The following FBLN7 variants were observed in gnomAD, a reference collection of about 807,000 sequenced individuals.
FBLN7 encodes fibulin 7, also known as fibulin-7.
In FBLN7, 31 loss-of-function variants were observed where a neutral mutation model predicts 44.0. The ratio of observed to expected loss-of-function variants is 0.70; its 90% CI spans 0.53 to 0.95. The LOEUF (loss-of-function observed/expected upper bound fraction) is 0.95, where lower values mean the gene tolerates loss of function less well. Ranked by LOEUF, FBLN7 falls within the 40% of genes least tolerant of loss-of-function variation. The pLI is 0.00. For synonymous variants in FBLN7, 262 were observed against 253.4 expected, an observed-to-expected ratio of 1.03 and a Z score of -0.32; for missense variants, 573 against 618.5, an observed-to-expected ratio of 0.93 and a Z score of 0.78.
At chr2:112,160,483 C>T (rs1012316731) in intron 2 of FBLN7, among the ~76,000 whole-genome samples, 3 of 152,208 alleles carry the variant, frequency 2.0e-5, no homozygotes, top group Admixed American at 6.5e-5. Flanking sequence ...TTTTAGATCA[C>T]GCACTGCTTT....
At chr2:112,147,294 T>C (rs1272552590) in intron 1 of FBLN7, among the ~76,000 whole-genome samples, 1 of 152,176 alleles carries the variant, frequency 6.6e-6, no homozygotes, top group Non-Finnish European at 1.5e-5. Flanking sequence ...AAGAAATTGG[T>C]CCATAGCACC....
At position 112,138,399 on chromosome 2, in the gene FBLN7, C is replaced by T. The variant is rs1680449232; in HGVS notation, c.-257C>T. The stretch of plus-strand genomic sequence containing the variant: ...CCTCCCTCGTCCTTAGCCCAGGGGC[C>T]GGCGCCTCCCCGCCTCGCGCGGACT... On this transcript the variant is annotated 5_prime_UTR_variant, in exon 1 of 8. Transcript: ENST00000331203. 1.5e-5 allele frequency: 3 copies of T among 201,450 alleles called. No homozygotes were observed. The highest frequency in any genetic ancestry group is 2.9e-5 in the Non-Finnish European group (3 of 103,794). The allele number at this position is 201,450 out of a possible 1,614,324, so 12.5% of individuals were successfully genotyped here.
Position 112,188,027 on chromosome 2 carries a change from ATGCCTGCC to A in FBLN7, c.*531_*538del, listed in dbSNP as rs1422148483. The stretch of plus-strand genomic sequence containing the variant: ...TCTTATCTGCCTTTTCCTCTGTGAC[ATGCCTGCC>A]TGCCTGCCTTCTCATCAGAGAGTCA... On this transcript the variant is annotated 3_prime_UTR_variant, in exon 8 of 8. Coordinates refer to ENST00000331203, the MANE Select transcript of FBLN7 (RefSeq NM_153214.3). 1 of 160,164 alleles carries A rather than the reference ATGCCTGCC, an allele frequency of 6.2e-6. No individual in the cohort carries two copies. The highest frequency in any genetic ancestry group is 2.4e-5 in the African/African-American group (1 of 41,604). 9.9% of individuals were successfully genotyped at this position (160,164 alleles called of 1,614,324 possible). A position where few individuals can be genotyped will look rare whatever the true frequency, so the allele number is the denominator to read the frequency against.
the FBLN7 span, chr2:112,230,762 A>G: frequency 2.1e-6 from 1 of 481,626 alleles, no homozygotes; most frequent in Non-Finnish European, 3.3e-6. Context: ...GTATGTAAAT[A>G]TATCAAATAT....
At chr2:112,241,997 T>C in the FBLN7 span, among the ~76,000 whole-genome samples, 1 of 152,172 alleles carries the variant, frequency 6.6e-6, no homozygotes, top group African/African-American at 2.4e-5. Flanking sequence ...AAACCTCCTA[T>C]CCACACAGCC....
At chr2:112,166,459 G>C (rs1682162760) in intron 3 of FBLN7, among the ~76,000 whole-genome samples, 2 of 152,164 alleles carry the variant, frequency 1.3e-5, no homozygotes, top group Non-Finnish European at 2.9e-5. Flanking sequence ...AGGGAAACCA[G>C]AATCACATTT....
the FBLN7 span, among the ~76,000 whole-genome samples, chr2:112,210,649 C>G: frequency 2.4e-5 from 2 of 82,052 alleles, no homozygotes. Context: ...GAGTGAGACT[C>G]TGTCTCAAAA....
the FBLN7 span, chr2:112,238,330 T>C: frequency 2.0e-5 from 33 of 1,613,624 alleles, no homozygotes; most frequent in Admixed American, 1.2e-4. Context: ...GGGGTATCTT[T>C]TACTCCTTCT....
At chr2:112,178,269 C>A (rs2312460) in intron 4 of FBLN7, among the ~76,000 whole-genome samples, 98,934 of 143,832 alleles carry the variant, frequency 0.69, 34,463 homozygotes, top group African/African-American at 0.81. Context: ...AAAAAAAAAA[C>A]CAAAAGAAAA....
the FBLN7 span, among the ~76,000 whole-genome samples, chr2:112,202,572 T>C: frequency 3.9e-5 from 6 of 152,086 alleles, no homozygotes; most frequent in Admixed American, 1.3e-4. Context: ...ATGAAAGACA[T>C]AAAAACACTG....
intron 6 of FBLN7, 71 bp downstream of exon 6, chr2:112,182,999 G>A (rs540886073): frequency 3.2e-5 from 51 of 1,572,274 alleles, no homozygotes; most frequent in African/African-American, 2.9e-4. Context: ...GGACCTCACA[G>A]TCGGGAGTGA....
At chr2:112,227,673 C>T in the FBLN7 span, among the ~76,000 whole-genome samples, 1 of 152,206 alleles carries the variant, frequency 6.6e-6, no homozygotes, top group South Asian at 2.1e-4. Flanking sequence ...TCTATTTCTA[C>T]ATACTACCAA....
intron 3 of FBLN7, among the ~76,000 whole-genome samples, chr2:112,167,829 T>C (rs538256454): frequency 4.6e-5 from 6 of 130,304 alleles, no homozygotes; most frequent in Non-Finnish European, 1.0e-4. Context: ...GGCAAAACAG[T>C]AGACAGATGT....
At chr2:112,237,738 G>C in the FBLN7 span, among the ~76,000 whole-genome samples, 1 of 151,920 alleles carries the variant, frequency 6.6e-6, no homozygotes, top group Non-Finnish European at 1.5e-5. Context: ...ACCATACCCT[G>C]ATACTTTTTT....
At chr2:112,144,009 G>C (rs1445957890) in intron 1 of FBLN7, among the ~76,000 whole-genome samples, 1 of 152,136 alleles carries the variant, frequency 6.6e-6, no homozygotes, top group African/African-American at 2.4e-5. Context: ...AGATAACTTT[G>C]TCACAAAATA....
the FBLN7 span, chr2:112,214,623 G>A: frequency 6.6e-6 from 1 of 152,166 alleles, no homozygotes; most frequent in African/African-American, 2.4e-5. Context: ...TGGACGAATG[G>A]CTCTTGAGAC....
At chr2:112,201,455 G>A in the FBLN7 span, among the ~76,000 whole-genome samples, 7 of 152,344 alleles carry the variant, frequency 4.6e-5, no homozygotes, top group South Asian at 2.1e-4. Context: ...CTGCCTTGCC[G>A]TTCCAGCTCC....
rs545069818 is a variant in FBLN7 at position 112,187,607 on chromosome 2, G to A, written c.*101G>A. 5.0e-5 allele frequency: 75 copies of A among 1,509,390 alleles called. No homozygotes were observed. Among genetic ancestry groups the A allele is most frequent in the South Asian group, 1.6e-4 (13 of 79,216 alleles). 93.5% of individuals were successfully genotyped at this position (1,509,390 alleles called of 1,614,324 possible). A position where few individuals can be genotyped will look rare whatever the true frequency, so the allele number is the denominator to read the frequency against. ...TGCGTGGAGCCTCCCGCCTGTTCCC[G>A]CCCTCTCACCAGTGCACCCAGGCTT... On this transcript the variant is annotated 3_prime_UTR_variant, in exon 8 of 8. Coordinates refer to ENST00000331203, the MANE Select transcript of FBLN7 (RefSeq NM_153214.3). This position sits in a 1 kb window ranked among gnomAD's most constrained non-coding sequence, Gnocchi z 5.1.
chr2:112,173,529 G>C (rs1025167200), intron 3 of FBLN7, among the ~76,000 whole-genome samples: 1 of 152,004 alleles, frequency 6.6e-6, no homozygotes, highest in African/African-American at 2.4e-5. Flanking sequence ...AAAAAAGTCA[G>C]GAAGGAATTA....
Sources: allele counts gnomAD v4.1 joint callset (sites outside exome capture counted in the v4.1 genomes callset), GRCh38; gene constraint gnomAD v4.1.1; non-coding constraint Gnocchi (gnomAD v3.1); transcripts MANE v1.5; gene names NCBI Gene and HGNC (gene_info 2026-07-23, HGNC 2026-07-21).